The following TANC1 variants were observed in gnomAD, a reference collection of about 807,000 sequenced individuals.
TANC1 encodes the protein protein TANC1.
In TANC1, 77 loss-of-function variants were observed where a neutral mutation model predicts 149.7. The observed-to-expected ratio is 0.51, with a 90% CI of 0.43 to 0.62. The LOEUF (loss-of-function observed/expected upper bound fraction) is 0.62, where lower values mean the gene tolerates loss of function less well. TANC1 is among the 20% of genes least tolerant of loss of function. The pLI, the probability that TANC1 is intolerant of heterozygous loss-of-function variation, is 0.00. For synonymous variants in TANC1, 854 were observed against 925.0 expected, an observed-to-expected ratio of 0.92 and a Z score of 1.39; for missense variants, 1,985 against 2,321.8, an observed-to-expected ratio of 0.85 and a Z score of 2.98.
At chr2:159,146,651 C>T (rs573025425) in intron 5 of TANC1, among the ~76,000 whole-genome samples, 110 of 151,056 alleles carry the variant, frequency 7.3e-4, no homozygotes, top group African/African-American at 2.6e-3. Flanking sequence ...AGTGATTCCC[C>T]TGCCTCAGCC....
At chr2:159,072,635 A>C (rs2043253481) in intron 3 of TANC1, among the ~76,000 whole-genome samples, 1 of 152,220 alleles carries the variant, frequency 6.6e-6, no homozygotes, top group Non-Finnish European at 1.5e-5. Context: ...AAACCCTTAA[A>C]AATATATAAA....
intron 7 of TANC1, among the ~76,000 whole-genome samples, chr2:159,158,421 G>T (rs2053662070): frequency 6.6e-6 from 1 of 152,078 alleles, no homozygotes; most frequent in African/African-American, 2.4e-5. Flanking sequence ...GGGCATTCTG[G>T]GGCTTTCCTG....
chr2:159,091,073 G>A lies in TANC1; in HGVS notation c.62-6564G>A, dbSNP rs143358727. On this transcript the variant is annotated intron_variant, in intron 3 of 26. Transcript: ENST00000263635. ...CCCCTCTGTGGTGGCCCAGTACTGT[G>A]CGTAGACCTACATATACTATTTTTG... 2.0e-3 allele frequency among the ~76,000 whole-genome samples: 306 copies of A among 151,952 alleles called. 2 individuals carry two copies. The highest frequency in any genetic ancestry group is 2.7e-3 in the East Asian group (14 of 5,168).
At chr2:159,003,168 C>T (rs912651348) in intron 2 of TANC1, among the ~76,000 whole-genome samples, 2 of 152,140 alleles carry the variant, frequency 1.3e-5, no homozygotes, top group African/African-American at 4.8e-5. Context: ...GGAAAGGTAG[C>T]GGGTATATGT....
chr2:159,104,322 T>C (rs2046968154), intron 4 of TANC1, among the ~76,000 whole-genome samples: 2 of 95,448 alleles, frequency 2.1e-5, no homozygotes, highest in Non-Finnish European at 2.9e-5. Flanking sequence ...TTCACCTGTA[T>C]ACAATTTGGC....
intron 4 of TANC1, among the ~76,000 whole-genome samples, chr2:159,112,555 CT>C (rs34643604): frequency 0.058 from 7,475 of 129,970 alleles, 609 homozygotes; most frequent in East Asian, 0.41. Context: ...TGCACCCAGC[CT>C]TTTTTTTTTT....
chr2:159,134,522 G>T (rs185921384), intron 4 of TANC1, among the ~76,000 whole-genome samples: 2 of 152,122 alleles, frequency 1.3e-5, no homozygotes, highest in South Asian at 4.2e-4. Flanking sequence ...TTGCTCTGTC[G>T]CCCAGGCTAG....
At position 159,179,033 on chromosome 2, in the gene TANC1, A is replaced by T; in HGVS notation, c.2380A>T (p.Arg794Trp). 1.9e-6 allele frequency: 3 copies of T among 1,614,076 alleles called. No homozygotes were observed. The highest frequency in any genetic ancestry group is 2.5e-6 in the Non-Finnish European group (3 of 1,180,006). ...GEQGWEDFQQ[R>W]MDALSCFLIK... ...GCAGGGATGGGAAGACTTTCAGCAG[A>T]GGATGGACGCCCTCTCCTGCTTCCT... The change falls in exon 14 of 27, where the codon AGG becomes TGG. Residue 794 changes from arginine to tryptophan, a missense_variant. Coordinates refer to ENST00000263635, the MANE Select transcript of TANC1 (RefSeq NM_033394.3).
In TANC1 at chr2:159,150,564, G is replaced by A. The variant is rs916282924; in HGVS notation, c.682+8G>A. 3.1e-6 allele frequency: 5 copies of A among 1,604,916 alleles called. No homozygotes were observed. Among genetic ancestry groups the A allele is most frequent in the Non-Finnish European group, 4.3e-6 (5 of 1,171,766 alleles). ...AGGACAGTGGAATTATAGGTAAGAAGCACACTGCTCGGTAACATAATGGCT... is the reference window on the plus strand; with the variant it reads ...AGGACAGTGGAATTATAGGTAAGAAACACACTGCTCGGTAACATAATGGCT... On this transcript the variant is annotated splice_region_variant and intron_variant, in intron 7 of 26. Coordinates refer to ENST00000263635, the MANE Select transcript of TANC1 (RefSeq NM_033394.3).
chr2:159,229,490 T>C, intron 26 of TANC1, 88 bp from the exon 27 acceptor site: 1 of 1,155,922 alleles, frequency 8.7e-7, no homozygotes, highest in East Asian at 2.6e-5. Flanking sequence ...ACCTTCTCTT[T>C]CCTTTGAGCA....
intron 3 of TANC1, among the ~76,000 whole-genome samples, chr2:159,097,159 T>C (rs2046226034): frequency 1.3e-5 from 2 of 152,090 alleles, no homozygotes. Context: ...GGGATGGTGC[T>C]GGGGAGGAAT....
Position 159,022,413 on chromosome 2 carries a change from C to G in TANC1, c.-16+21224C>G, listed in dbSNP as rs527958737. On this transcript the variant is annotated intron_variant, in intron 2 of 26. Coordinates refer to ENST00000263635, the MANE Select transcript of TANC1 (RefSeq NM_033394.3). ...CCACTTGAATTCAGGATGTTTGTTC[C>G]GGGGTTCTATTCATAAGAAATGACA... is the stretch of plus-strand genomic sequence containing the variant. 2.0e-5 allele frequency among the ~76,000 whole-genome samples: 3 copies of G among 152,208 alleles called. No individual in the cohort carries two copies. The South Asian group carries it at 6.2e-4, about 32-fold the overall frequency.
intron 24 of TANC1, 76 bp from the exon 25 acceptor site, chr2:159,227,743 C>T (rs993700008): frequency 1.1e-5 from 16 of 1,521,966 alleles, no homozygotes; most frequent in African/African-American, 2.8e-5. Flanking sequence ...AAACTCCCCA[C>T]GGTGTTCCAG....
intron 2 of TANC1, among the ~76,000 whole-genome samples, chr2:159,046,589 CTT>C (rs57208685): frequency 0.013 from 1,105 of 84,126 alleles, 1 homozygote; most frequent in African/African-American, 0.038. Flanking sequence ...CTTTTCTTTA[CTT>C]TTTTTTTTTT....
At chr2:159,136,475 T>C (rs1184727181) in intron 5 of TANC1, among the ~76,000 whole-genome samples, 177 bp downstream of exon 5, 2 of 152,230 alleles carry the variant, frequency 1.3e-5, no homozygotes, top group African/African-American at 4.8e-5. Context: ...TCTTGGAAAT[T>C]GTATACCTGG....
intron 4 of TANC1, among the ~76,000 whole-genome samples, chr2:159,099,071 A>G (rs1049984805): frequency 6.6e-6 from 1 of 152,184 alleles, no homozygotes; most frequent in Non-Finnish European, 1.5e-5. Flanking sequence ...TGCGGGTAAA[A>G]TTAGGAGGGC....
chr2:159,048,596 A>T (rs1337272796), intron 2 of TANC1, among the ~76,000 whole-genome samples: 2 of 152,228 alleles, frequency 1.3e-5, no homozygotes, highest in African/African-American at 4.8e-5. Context: ...CAATGTGAAC[A>T]TAGAAATTTT....
chr2:159,018,300 A>G (rs1312103047), intron 2 of TANC1, among the ~76,000 whole-genome samples: 1 of 152,182 alleles, frequency 6.6e-6, no homozygotes, highest in Non-Finnish European at 1.5e-5. Context: ...GTTCTGCTGC[A>G]CAGCTGTTAA....
chr2:159,218,109 T>C (rs1263920148), intron 20 of TANC1, among the ~76,000 whole-genome samples: 2 of 152,206 alleles, frequency 1.3e-5, no homozygotes, highest in Non-Finnish European at 2.9e-5. Flanking sequence ...TATGAAATGA[T>C]GTATTGTTGT....
Sources: allele counts gnomAD v4.1 joint callset (sites outside exome capture counted in the v4.1 genomes callset), GRCh38; gene constraint gnomAD v4.1.1; transcripts MANE v1.5; gene names NCBI Gene and HGNC (gene_info 2026-07-23, HGNC 2026-07-21).